PALS1: variants seen among roughly 807,000 people sequenced by gnomAD.
PALS1 encodes the protein protein associated with LIN7 1, MAGUK p55 family member, also known as protein PALS1.
PALS1 carries 31 observed loss-of-function variants against 78.9 expected under a neutral mutation model. The ratio of observed to expected loss-of-function variants is 0.39; its 90% confidence interval spans 0.30 to 0.53. The LOEUF (loss-of-function observed/expected upper bound fraction) is 0.53. Ranked by LOEUF, PALS1 falls within the 20% of genes least tolerant of loss-of-function variation. The pLI is 0.67. For missense variants in PALS1, 704 were observed against 826.5 expected, an observed-to-expected ratio of 0.85 and a Z score of 1.82; for synonymous variants, 276 against 270.9, an observed-to-expected ratio of 1.02 and a Z score of -0.18.
At chr14:67,302,726 T>C (rs2084948749) in intron 7 of PALS1, among the ~76,000 whole-genome samples, 155 bp downstream of exon 7, 1 of 152,154 alleles carries the variant, frequency 6.6e-6, no homozygotes, top group Non-Finnish European at 1.5e-5. Context: ...TTGTTAGCAG[T>C]TTTATTTTTG....
intron 4 of PALS1, among the ~76,000 whole-genome samples, chr14:67,296,585 CAAAAAAAAAAAAAA>C (rs374329692): frequency 1.0e-3 from 52 of 51,018 alleles, no homozygotes; most frequent in African/African-American, 1.9e-3. Flanking sequence ...AACTCTGTCT[CAAAAAAAAAAAAAA>C]AAAAAAAAAA....
rs2085477521 is a variant in PALS1 at position 67,333,230 on chromosome 14, T to A, written c.*274T>A. The A allele has an allele frequency of 3.6e-6, 1 of 280,522 alleles. No individual in the cohort carries two copies. Among genetic ancestry groups the A allele is most frequent in the South Asian group, 1.1e-4 (1 of 9,274 alleles). 17.4% of individuals were successfully genotyped at this position (280,522 alleles called of 1,614,324 possible). Reference sequence around the variant, plus strand: ...AACAGAGCATTCCATTTTGTCCTGTTAAAACCTTTTGTTTTCACCTAAACC... The same window carrying A: ...AACAGAGCATTCCATTTTGTCCTGTAAAAACCTTTTGTTTTCACCTAAACC... On this transcript the variant is annotated 3_prime_UTR_variant, in exon 15 of 15. Coordinates refer to ENST00000261681, the MANE Select transcript of PALS1 (RefSeq NM_022474.4).
At chr14:67,281,034 G>C (rs1381958777) in intron 3 of PALS1, among the ~76,000 whole-genome samples, 1 of 151,738 alleles carries the variant, frequency 6.6e-6, no homozygotes, top group Non-Finnish European at 1.5e-5. Context: ...GAGTGGCTGG[G>C]ATTACAGGCA....
chr14:67,298,462 C>T (rs1457247368), intron 4 of PALS1, among the ~76,000 whole-genome samples: 2 of 151,206 alleles, frequency 1.3e-5, no homozygotes, highest in African/African-American at 4.9e-5. Flanking sequence ...TTGCAGTGAG[C>T]CAAGATCATG....
chr14:67,248,908 A>G (rs545133291), intron 1 of PALS1, among the ~76,000 whole-genome samples: 1 of 151,956 alleles, frequency 6.6e-6, no homozygotes, highest in Non-Finnish European at 1.5e-5. Context: ...GATCCTCCCA[A>G]GTTGGCCTCC....
At chr14:67,278,651 A>G (rs1390063222) in intron 2 of PALS1, among the ~76,000 whole-genome samples, 1 of 152,224 alleles carries the variant, frequency 6.6e-6, no homozygotes, top group Non-Finnish European at 1.5e-5. Context: ...TACAGTGTTG[A>G]GACAACTACT....
chr14:67,300,344 T>TTTG (rs2084914241), intron 4 of PALS1, among the ~76,000 whole-genome samples: 2 of 151,528 alleles, frequency 1.3e-5, no homozygotes, highest in African/African-American at 4.9e-5. Flanking sequence ...ACCTTTTTTT[T>TTTG]TTTGAGAAAG....
intron 2 of PALS1, chr14:67,270,886 GAA>G (rs2084397321): frequency 6.6e-6 from 1 of 152,186 alleles, no homozygotes; most frequent in Non-Finnish European, 1.5e-5. Context: ...ATTTCTTGTA[GAA>G]TTAGGGACTT....
Position 67,298,511 on chromosome 14 carries a change from G to A in PALS1, c.577-2878G>A, listed in dbSNP as rs536020203. Among the ~76,000 whole-genome samples, 46 of 129,138 alleles carry A rather than the reference G, an allele frequency of 3.6e-4. 1 individual carries two copies. In the South Asian group the frequency reaches 6.2e-3, roughly 17 times the overall value. The allele number at this position is 129,138 out of a possible 152,430, so 84.7% of individuals were successfully genotyped here. ...GCCTGGGCGACAAGAGTGAAACTCC[G>A]TCTCAAAAAAAAAAAAAATACTATT... On this transcript the variant is annotated intron_variant, in intron 4 of 14. Coordinates refer to ENST00000261681, the MANE Select transcript of PALS1 (RefSeq NM_022474.4).
chr14:67,258,731 C>T (rs930367512), intron 1 of PALS1, among the ~76,000 whole-genome samples: 1 of 150,986 alleles, frequency 6.6e-6, no homozygotes, highest in African/African-American at 2.4e-5. Flanking sequence ...CTTCAGACTG[C>T]CTTGATACTG....
chr14:67,296,811 T>C (rs1461509568), intron 4 of PALS1, among the ~76,000 whole-genome samples: 1 of 152,094 alleles, frequency 6.6e-6, no homozygotes, highest in Non-Finnish European at 1.5e-5. Flanking sequence ...TATGGCTCAC[T>C]GCAACCTCAA....
Position 67,303,605 on chromosome 14 carries a change from T to C in PALS1, c.1041+6T>C. 3 of 1,605,848 alleles carry C rather than the reference T, an allele frequency of 1.9e-6. No homozygotes were observed. The East Asian group carries it at 6.7e-5, about 36-fold the overall frequency. ...CTCCTGCCAAGGAAACAGTAGTAAG[T>C]GATTTTTAAATGTTCATTATTTATG... On this transcript the variant is annotated splice_donor_region_variant and intron_variant, in intron 8 of 14. Transcript: ENST00000261681.
At chr14:67,287,596 C>T (rs1004611475) in intron 3 of PALS1, among the ~76,000 whole-genome samples, 3 of 152,088 alleles carry the variant, frequency 2.0e-5, no homozygotes, top group African/African-American at 4.8e-5. Flanking sequence ...TCATGTGCAA[C>T]GCTGGTAGGG....
rs750299229 is a variant in PALS1, at chr14:67,323,827, C to T, written c.1851+15C>T. ...AGAATCCAAAGGTAAAGTTTTCACACTATTGTACTATTCCATTGAAGGTAA... is the reference window on the plus strand; with the variant it reads ...AGAATCCAAAGGTAAAGTTTTCACATTATTGTACTATTCCATTGAAGGTAA... On this transcript the variant is annotated intron_variant, in intron 14 of 14. Coordinates refer to ENST00000261681, the MANE Select transcript of PALS1 (RefSeq NM_022474.4). The T allele has an allele frequency of 2.5e-5, 32 of 1,284,962 alleles. 2 individuals carry two copies. In the East Asian group the frequency reaches 7.9e-4, roughly 32 times the overall value. 79.6% of individuals were successfully genotyped at this position (1,284,962 alleles called of 1,614,324 possible).
Position 67,302,394 on chromosome 14 carries a change from A to C in PALS1, c.802-16A>C. On this transcript the variant is annotated splice_polypyrimidine_tract_variant and intron_variant, in intron 6 of 14. Transcript: ENST00000261681. ...TATTATTTTTATTTTTAAATTATAC[A>C]TATATATATTTTTAGGGTGCTACAG... 3 of 1,456,842 alleles carry C rather than the reference A, an allele frequency of 2.1e-6. No individual in the cohort carries two copies. The highest frequency in any genetic ancestry group is 2.8e-6 in the Non-Finnish European group (3 of 1,087,572). 90.2% of individuals were successfully genotyped at this position (1,456,842 alleles called of 1,614,324 possible). A position where few individuals can be genotyped will look rare whatever the true frequency, so the allele number is the denominator to read the frequency against.
At chr14:67,293,757 T>A (rs1035208267) in intron 4 of PALS1, among the ~76,000 whole-genome samples, 6 of 152,148 alleles carry the variant, frequency 3.9e-5, no homozygotes, top group African/African-American at 1.4e-4. Flanking sequence ...CACAGGCAAG[T>A]GAACTGGTTT....
chr14:67,256,797 GACACACACAC>G (rs10654145), intron 1 of PALS1, among the ~76,000 whole-genome samples: 1 of 147,682 alleles, frequency 6.8e-6, no homozygotes, highest in Non-Finnish European at 1.5e-5. Context: ...AGAAACTATT[GACACACACAC>G]ACACACACAC....
chr14:67,331,384 A>C (rs1374139267), intron 14 of PALS1, among the ~76,000 whole-genome samples: 1 of 152,110 alleles, frequency 6.6e-6, no homozygotes. Flanking sequence ...CAATGATAGA[A>C]GTGCTGAAGT....
intron 1 of PALS1, among the ~76,000 whole-genome samples, chr14:67,246,050 A>G (rs556576499): frequency 2.0e-5 from 3 of 152,094 alleles, no homozygotes; most frequent in East Asian, 3.9e-4. Flanking sequence ...GTCAAAAGCT[A>G]TTTGACTGCA....
Sources: gnomAD v4.1 joint callset for allele counts (sites outside exome capture counted in the v4.1 genomes callset) on GRCh38, gnomAD v4.1.1 for gene constraint, MANE v1.5 for transcripts, NCBI Gene and HGNC (gene_info 2026-07-23, HGNC 2026-07-21) for gene names.